GAS7: variants seen among roughly 807,000 people sequenced by gnomAD.
GAS7 encodes the protein growth arrest specific 7.
A neutral mutation model predicts 71.1 loss-of-function variants in GAS7; 28 were observed. The observed-to-expected ratio is 0.39, with a 90% CI of 0.29 to 0.54. The LOEUF is 0.54. GAS7 is among the 20% of genes least tolerant of loss of function. The pLI is 0.62. For synonymous variants in GAS7, 258 were observed against 245.8 expected (o/e 1.05, Z -0.46); for missense variants, 436 against 627.8 (o/e 0.69, Z 3.27).
intron 1 of GAS7, among the ~76,000 whole-genome samples, chr17:10,085,209 T>C (rs984753462): frequency 1.3e-5 from 2 of 152,170 alleles, no homozygotes; most frequent in African/African-American, 4.8e-5. Flanking sequence ...GTTTCTAATA[T>C]TTATAATCAA....
At chr17:10,019,218 A>T (rs1390983191) in intron 2 of GAS7, among the ~76,000 whole-genome samples, 1 of 152,138 alleles carries the variant, frequency 6.6e-6, no homozygotes, top group African/African-American at 2.4e-5. Flanking sequence ...GTACTATTTG[A>T]TGGGATAAAT....
At chr17:10,089,112 G>A (rs1365858456) in intron 1 of GAS7, among the ~76,000 whole-genome samples, 2 of 152,024 alleles carry the variant, frequency 1.3e-5, no homozygotes, top group Admixed American at 6.5e-5. Flanking sequence ...AGTGAGCAGA[G>A]ATCGTGTCAT....
chr17:10,066,786 G>A (rs2073285811), intron 1 of GAS7, among the ~76,000 whole-genome samples: 1 of 152,112 alleles, frequency 6.6e-6, no homozygotes, highest in Non-Finnish European at 1.5e-5. Flanking sequence ...GGCTCCTGGG[G>A]TCACTGAATT....
chr17:10,150,425 C>G (rs2074156123), intron 1 of GAS7, among the ~76,000 whole-genome samples: 1 of 97,258 alleles, frequency 1.0e-5, no homozygotes, highest in African/African-American at 4.4e-5. Context: ...TACACACACA[C>G]ACACACACAC....
At chr17:9,917,948 G>T in intron 13 of GAS7, 53 bp downstream of exon 13, 3 of 1,291,674 alleles carry the variant, frequency 2.3e-6, no homozygotes, top group Non-Finnish European at 3.3e-6. Flanking sequence ...AGCGCCAGGC[G>T]GCTCTCCCCA....
chr17:10,059,685 A>C (rs1241306725), intron 1 of GAS7: 2 of 985,130 alleles, frequency 2.0e-6, no homozygotes, highest in Non-Finnish European at 2.4e-6. Context: ...CCCTGGTTCC[A>C]ACTCACCTCA....
chr17:10,152,168 C>T (rs1045262881), intron 1 of GAS7, among the ~76,000 whole-genome samples: 1 of 152,180 alleles, frequency 6.6e-6, no homozygotes, highest in Non-Finnish European at 1.5e-5. Flanking sequence ...TAACTTCCTC[C>T]CAACTTAGCA....
At position 9,981,877 on chromosome 17, in the gene GAS7, G is replaced by T; in HGVS notation, c.312C>A (p.Thr104=). The T allele has an allele frequency of 1.3e-6, 2 of 1,573,874 alleles. No individual in the cohort carries two copies. Among genetic ancestry groups the T allele is most frequent in the Non-Finnish European group, 1.7e-6 (2 of 1,143,352 alleles). The part of the protein sequence containing the change: ...YYVNTTTNET[T]WERPSSSPGI... ...CAGGAGAACTGCTGGGACGTTCCCA[G>T]GTGGTCTCTGGTGAAAGAAGAGCAA... Residue 104 remains threonine, a synonymous_variant, in exon 3 of 14, where the codon ACC becomes ACA. Transcript: ENST00000432992. The surrounding 1 kb of genome is among the most constrained non-coding windows in gnomAD (Gnocchi z 4.4).
intron 4 of GAS7, among the ~76,000 whole-genome samples, chr17:9,968,218 A>C (rs1017550750): frequency 6.6e-6 from 1 of 152,222 alleles, no homozygotes; most frequent in African/African-American, 2.4e-5. Flanking sequence ...CAGGAAACAT[A>C]CAAAGCCACG....
chr17:10,166,472 C>T (rs1447212074), intron 1 of GAS7, among the ~76,000 whole-genome samples: 1 of 152,214 alleles, frequency 6.6e-6, no homozygotes, highest in African/African-American at 2.4e-5. Flanking sequence ...TAGTTTTCTT[C>T]CTTTAGCTTT....
chr17:10,135,909 A>G (rs2074034001), intron 1 of GAS7, among the ~76,000 whole-genome samples: 1 of 152,152 alleles, frequency 6.6e-6, no homozygotes, highest in Non-Finnish European at 1.5e-5. Flanking sequence ...AGGCTGTAAT[A>G]TTAGGGAGAG....
intron 1 of GAS7, among the ~76,000 whole-genome samples, chr17:10,081,400 C>T (rs1018588015): frequency 4.6e-5 from 7 of 152,144 alleles, no homozygotes; most frequent in Non-Finnish European, 7.4e-5. Flanking sequence ...GTGATCCACC[C>T]GCCTCGGCCT....
intron 1 of GAS7, among the ~76,000 whole-genome samples, chr17:10,126,564 A>G (rs552805906): frequency 2.6e-4 from 39 of 149,650 alleles, no homozygotes; most frequent in African/African-American, 8.6e-4. Context: ...GCAGACATGC[A>G]CACACTCTCG....
At chr17:10,189,387 T>C (rs1228871396) in intron 1 of GAS7, among the ~76,000 whole-genome samples, 1 of 152,146 alleles carries the variant, frequency 6.6e-6, no homozygotes, top group African/African-American at 2.4e-5. Flanking sequence ...CCCTGCAGTC[T>C]AGAAGAGCTT....
intron 1 of GAS7, among the ~76,000 whole-genome samples, chr17:10,127,387 A>C (rs1171171336): frequency 6.6e-6 from 1 of 152,110 alleles, no homozygotes; most frequent in African/African-American, 2.4e-5. Flanking sequence ...TGAGTGTGCC[A>C]GCTGGGGATG....
rs745794234 is a variant in GAS7 at position 10,159,065 on chromosome 17, CATATATAT to C, written c.183+39135_183+39142del. 2.3e-3 allele frequency among the ~76,000 whole-genome samples: 135 copies of C among 59,994 alleles called. 16 individuals are homozygous for C. Among genetic ancestry groups the C allele is most frequent in the Middle Eastern group, 0.01 (1 of 96 alleles). The allele number at this position is 59,994 out of a possible 152,430, so 39.4% of individuals were successfully genotyped here. A position where few individuals can be genotyped will look rare whatever the true frequency, so the allele number is the denominator to read the frequency against. On this transcript the variant is annotated intron_variant, in intron 1 of 13. Transcript: ENST00000432992. The stretch of plus-strand genomic sequence containing the variant: ...ACAGAGTGAGACACTGTCTCTAAAA[CATATATAT>C]ATATATATATATATATATATATATT...
chr17:10,072,920 A>C (rs1035232539), intron 1 of GAS7, among the ~76,000 whole-genome samples: 2 of 152,184 alleles, frequency 1.3e-5, no homozygotes, highest in African/African-American at 4.8e-5. Context: ...AAACAAAAAA[A>C]CAAGAAAGTG....
chr17:10,017,585 TC>T (rs2072092063), intron 2 of GAS7, among the ~76,000 whole-genome samples: 1 of 152,160 alleles, frequency 6.6e-6, no homozygotes, highest in Non-Finnish European at 1.5e-5. Context: ...TGCCTCGGCC[TC>T]CCAAAGTGCT....
chr17:10,198,154 A>T, intron 1 of GAS7, 54 bp downstream of exon 1: 1 of 1,519,308 alleles, frequency 6.6e-7, no homozygotes, highest in Non-Finnish European at 9.0e-7. Flanking sequence ...CAGGTACGCG[A>T]GCGCACCGAG....
Sources: allele counts gnomAD v4.1 joint callset (sites outside exome capture counted in the v4.1 genomes callset), GRCh38; gene constraint gnomAD v4.1.1; non-coding constraint Gnocchi (gnomAD v3.1); transcripts MANE v1.5; gene names NCBI Gene and HGNC (gene_info 2026-07-23, HGNC 2026-07-21).